BBOX1: variants seen among roughly 807,000 people sequenced by gnomAD.
BBOX1 encodes gamma-butyrobetaine dioxygenase.
BBOX1 carries 35 observed loss-of-function variants against 41.6 expected under a neutral mutation model. The ratio of observed to expected loss-of-function variants is 0.84; its 90% CI spans 0.64 to 1.11. The LOEUF (loss-of-function observed/expected upper bound fraction) is 1.11, where lower values mean the gene tolerates loss of function less well. BBOX1 is among the 50% of genes most tolerant of loss of function. The probability of loss-of-function intolerance (pLI) is 0.00; values close to 1 mark genes in which losing one functional copy is unlikely to be tolerated. For missense variants in BBOX1, 458 were observed against 460.6 expected (o/e 0.99, Z 0.05); for synonymous variants, 163 against 154.7 (o/e 1.05, Z -0.40).
At position 27,093,382 on chromosome 11, in the gene BBOX1, G is replaced by A. The variant is rs1858320327; in HGVS notation, c.533+16G>A. 6.2e-7 allele frequency: 1 copy of A among 1,610,242 alleles called. No homozygotes were observed. Among genetic ancestry groups the A allele is most frequent in the African/African-American group, 1.3e-5 (1 of 74,736 alleles). ...CATTTTATGGGTGAGTCACCAAATG[G>A]TTTGTATTCTGCCATCACAGATAAG... On this transcript the variant is annotated intron_variant, in intron 5 of 8. Transcript: ENST00000263182.
chr11:27,070,412 A>G (rs1857406314), intron 4 of BBOX1, among the ~76,000 whole-genome samples: 1 of 152,130 alleles, frequency 6.6e-6, no homozygotes, highest in Non-Finnish European at 1.5e-5. Flanking sequence ...TAGGTCTAAC[A>G]GTAATTGTTT....
At chr11:27,043,393 C>CTGGTGTACATGTGCAGAATGTGCAGGTT (rs1851396634) in intron 2 of BBOX1, among the ~76,000 whole-genome samples, 1 of 137,070 alleles carries the variant, frequency 7.3e-6, no homozygotes, top group Admixed American at 7.1e-5. Context: ...CTTTTAAGTG[C>CTGGTGTACATGTGCAGAATGTGCAGGTT]TGGGGTACAT....
chr11:27,122,385 G>A (rs527828159), intron 7 of BBOX1, among the ~76,000 whole-genome samples: 1 of 151,972 alleles, frequency 6.6e-6, no homozygotes. Context: ...AAAAAATACT[G>A]CCACACATGA....
At chr11:27,117,462 G>A (rs2134099600) in intron 6 of BBOX1, among the ~76,000 whole-genome samples, 1 of 152,032 alleles carries the variant, frequency 6.6e-6, no homozygotes, top group Admixed American at 6.6e-5. Context: ...AGGGTTGGGG[G>A]CAGGAGACAC....
At chr11:27,043,299 G>C (rs556590714) in intron 2 of BBOX1, among the ~76,000 whole-genome samples, 1 of 151,930 alleles carries the variant, frequency 6.6e-6, no homozygotes, top group African/African-American at 2.4e-5. Context: ...TCCTGACCTC[G>C]TGATCCACCC....
chr11:27,106,421 A>G (rs1392748405), intron 5 of BBOX1, among the ~76,000 whole-genome samples: 2 of 152,158 alleles, frequency 1.3e-5, no homozygotes, highest in African/African-American at 4.8e-5. Flanking sequence ...AAAACAAAAA[A>G]AAGGTAGGGG....
intron 7 of BBOX1, among the ~76,000 whole-genome samples, chr11:27,120,130 T>C (rs1859412245): frequency 6.6e-6 from 1 of 152,118 alleles, no homozygotes; most frequent in Non-Finnish European, 1.5e-5. Flanking sequence ...ATTATACTAG[T>C]TAGAAGGCTT....
chr11:27,059,345 G>C (rs913547456), intron 4 of BBOX1, among the ~76,000 whole-genome samples: 4 of 152,222 alleles, frequency 2.6e-5, no homozygotes, highest in Admixed American at 1.3e-4. Flanking sequence ...TTATGTTGGT[G>C]CAAAAGTAAT....
At chr11:27,125,545 G>C (rs554595086) in intron 7 of BBOX1, 109 bp from the exon 8 acceptor site, 2 of 975,000 alleles carry the variant, frequency 2.1e-6, no homozygotes, top group South Asian at 4.7e-5. Flanking sequence ...CATGTATTTG[G>C]ATTTTTTAAT....
In BBOX1 at chr11:27,127,564, G is replaced by T; in HGVS notation, c.*111G>T. The stretch of plus-strand genomic sequence containing the variant: ...ATTTACATATAATTTCCTTAACAAT[G>T]AACATGTAACTTCTCTCACAAGAGT... On this transcript the variant is annotated 3_prime_UTR_variant, in exon 9 of 9. Transcript: ENST00000263182. The T allele has an allele frequency of 8.0e-7, 1 of 1,252,538 alleles. No individual in the cohort carries two copies. Among genetic ancestry groups the T allele is most frequent in the South Asian group, 1.6e-5 (1 of 63,334 alleles). 77.6% of individuals were successfully genotyped at this position (1,252,538 alleles called of 1,614,324 possible). A position where few individuals can be genotyped will look rare whatever the true frequency, so the allele number is the denominator to read the frequency against.
Position 27,060,025 on chromosome 11 carries a change from T to C in BBOX1, c.334+2710T>C, listed in dbSNP as rs1782791538. 2.0e-5 allele frequency among the ~76,000 whole-genome samples: 3 copies of C among 152,118 alleles called. No homozygotes were observed. In the South Asian group the frequency reaches 6.2e-4, roughly 32 times the overall value. On this transcript the variant is annotated intron_variant, in intron 4 of 8. Transcript: ENST00000263182. ...GACTACTGGGAAGGCATGACTGTATTTTGCAATGTGAGAAGTACATGAGAT... is the reference window on the plus strand; with the variant it reads ...GACTACTGGGAAGGCATGACTGTATCTTGCAATGTGAGAAGTACATGAGAT...
chr11:27,127,337 C>T lies in BBOX1; in HGVS notation c.1048C>T (p.Arg350Cys). ...TAACTGGCGCTTACTTCATGGCCGA[C>T]GTAGCTATGAAGCAGGAACTGAGAT... ...FDNWRLLHGR[R>C]SYEAGTEISR... The change falls in exon 9 of 9, where the codon CGT becomes TGT. Residue 350 changes from arginine to cysteine, a missense_variant. Transcript: ENST00000263182. 1 of 1,614,072 alleles carries T rather than the reference C, an allele frequency of 6.2e-7. No homozygotes were observed. Among genetic ancestry groups the T allele is most frequent in the South Asian group, 1.1e-5 (1 of 91,072 alleles).
At chr11:27,092,221 AT>A (rs1858271159) in intron 4 of BBOX1, among the ~76,000 whole-genome samples, 1 of 151,982 alleles carries the variant, frequency 6.6e-6, no homozygotes, top group South Asian at 2.1e-4. Context: ...AAAATGACAC[AT>A]TCCCCAGCTA....
chr11:27,076,111 C>T (rs1298274109), intron 4 of BBOX1, among the ~76,000 whole-genome samples: 1 of 152,158 alleles, frequency 6.6e-6, no homozygotes, highest in Non-Finnish European at 1.5e-5. Context: ...TTTCTGAGAA[C>T]CAGACTACTG....
rs183641982 is a variant in BBOX1, at chr11:27,048,339, A to G, written c.-39+6861A>G. ...TTGGCATTTTTAGATTCCATGTATA[A>G]GTGATATCATATTGCATTTGTCTTT... On this transcript the variant is annotated intron_variant, in intron 2 of 8. Transcript: ENST00000263182. Among the ~76,000 whole-genome samples the G allele has an allele frequency of 2.7e-3, 405 of 152,176 alleles. 1 individual carries two copies. Among genetic ancestry groups the G allele is most frequent in the Non-Finnish European group, 4.5e-3 (307 of 68,002 alleles).
intron 8 of BBOX1, among the ~76,000 whole-genome samples, chr11:27,126,649 A>G (rs1454402462): frequency 1.3e-5 from 2 of 151,700 alleles, no homozygotes; most frequent in African/African-American, 4.8e-5. Context: ...TGAAGCTGTT[A>G]AACTGAGAAG....
intron 4 of BBOX1, among the ~76,000 whole-genome samples, chr11:27,075,782 G>T (rs561839158): frequency 2.0e-5 from 3 of 152,310 alleles, no homozygotes; most frequent in African/African-American, 7.2e-5. Context: ...CAGTCACCCT[G>T]AAGTGTTCCA....
chr11:27,102,402 C>A (rs1162011276), intron 5 of BBOX1, among the ~76,000 whole-genome samples: 1 of 152,036 alleles, frequency 6.6e-6, no homozygotes, highest in Non-Finnish European at 1.5e-5. Flanking sequence ...CCTTAAACAC[C>A]AGCCAGGTCA....
At chr11:27,057,348 A>T (rs765173016) in intron 4 of BBOX1, 33 bp downstream of exon 4, 1 of 1,517,510 alleles carries the variant, frequency 6.6e-7, no homozygotes, top group Non-Finnish European at 9.1e-7. Context: ...TGTCTTTTTA[A>T]ACCCTTACAG....
Sources: gnomAD v4.1 joint callset for allele counts (sites outside exome capture counted in the v4.1 genomes callset) on GRCh38, gnomAD v4.1.1 for gene constraint, MANE v1.5 for transcripts, NCBI Gene and HGNC (gene_info 2026-07-23, HGNC 2026-07-21) for gene names.